The following ZNF790 variants were observed in gnomAD, a reference collection of about 807,000 sequenced individuals.
ZNF790 encodes zinc finger protein 790.
Under a neutral mutation model 12.1 loss-of-function variants are expected in ZNF790, and 8 were observed. The ratio of observed to expected loss-of-function variants is 0.66; its 90% CI spans 0.39 to 1.19. The LOEUF (loss-of-function observed/expected upper bound fraction) is 1.19. Ranked by LOEUF, ZNF790 falls within the 50% of genes most tolerant of loss-of-function variation. ZNF790 has a pLI of 0.01. For missense variants in ZNF790, 707 were observed against 752.2 expected, an observed-to-expected ratio of 0.94 and a Z score of 0.70; for synonymous variants, 252 against 244.3, an observed-to-expected ratio of 1.03 and a Z score of -0.29.
At position 36,819,176 on chromosome 19, in the gene ZNF790, C is replaced by T. The variant is rs781590063; in HGVS notation, c.1168G>A (p.Gly390Ser). The change falls in exon 5 of 5, where the codon GGT (glycine) becomes AGT (serine). Residue 390 changes from glycine (G) to serine (S), a missense_variant. Coordinates refer to ENST00000356725, the MANE Select transcript of ZNF790 (RefSeq NM_206894.4). ...NLAQHQNVHV[G>S]RKPYKCEKCG... ...TTCTCACATTTATAAGGTTTCCTAC[C>T]AACATGAACATTCTGATGTTGAGCA... 2 of 1,613,956 alleles carry T rather than the reference C, an allele frequency of 1.2e-6. No individual in the cohort carries two copies. Among genetic ancestry groups the T allele is most frequent in the Admixed American group, 3.3e-5 (2 of 60,002 alleles).
intron 1 of ZNF790, among the ~76,000 whole-genome samples, chr19:36,846,953 T>C (rs1481985316): frequency 6.6e-6 from 1 of 152,156 alleles, no homozygotes; most frequent in East Asian, 1.9e-4. Flanking sequence ...CTCTCTGATA[T>C]TGTGATGTAA....
intron 1 of ZNF790, among the ~76,000 whole-genome samples, chr19:36,834,123 A>C (rs1050057273): frequency 9.9e-5 from 15 of 152,008 alleles, no homozygotes; most frequent in African/African-American, 3.6e-4. Flanking sequence ...CATGCCTGTA[A>C]TCCCAGCTAC....
chr19:36,829,809 C>A (rs182735761), intron 1 of ZNF790, among the ~76,000 whole-genome samples: 1 of 152,098 alleles, frequency 6.6e-6, no homozygotes, highest in Non-Finnish European at 1.5e-5. Context: ...TCAGGTGATC[C>A]GCCCGCCTCG....
upstream of ZNF790, among the ~76,000 whole-genome samples, chr19:36,842,336 G>C (rs928491358): frequency 6.6e-6 from 1 of 151,982 alleles, no homozygotes; most frequent in African/African-American, 2.4e-5. Flanking sequence ...TAAAAAGATA[G>C]ATACCAGGAA....
At chr19:36,838,398 CAG>C (rs1269220780), upstream of ZNF790, 1 of 152,308 alleles carries the variant, frequency 6.6e-6, no homozygotes, top group Non-Finnish European at 1.5e-5. This position sits in a 1 kb window ranked among gnomAD's most constrained non-coding sequence, Gnocchi z 4.4. Context: ...CCTAAAGGGA[CAG>C]AGGGCTGACA....
chr19:36,819,546 A>T lies in ZNF790; in HGVS notation c.798T>A (p.His266Gln). The change falls in exon 5 of 5, where the codon CAT (histidine) becomes CAA (glutamine). Residue 266 changes from histidine to glutamine, a missense_variant. By Grantham distance (24) the His-to-Gln change is conservative. Transcript: ENST00000356725. The stretch of plus-strand genomic sequence containing the variant: ...TTCGCTTATGGACACTAAGTTGTGA[A>T]TGAAATCTAAAGGCTTTCCCACAAT... ...CKDCGKAFRF[H>Q]SQLSVHKRIH... The T allele has an allele frequency of 1.2e-6, 2 of 1,612,858 alleles. No individual in the cohort carries two copies. The highest frequency in any genetic ancestry group is 1.7e-6 in the Non-Finnish European group (2 of 1,179,306).
Position 36,845,138 on chromosome 19 carries a change from C to T in ZNF790, c.-74+4864G>A, listed in dbSNP as rs1262966303. 3.3e-5 allele frequency among the ~76,000 whole-genome samples: 5 copies of T among 150,720 alleles called. No homozygotes were observed. The East Asian group carries it at 9.8e-4, about 29-fold the overall frequency. On this transcript the variant is annotated intron_variant, in intron 1 of 4. Coordinates refer to the ZNF790 transcript ENST00000528994. ...CAGATGAAACAGAAAGAAATTTAGG[C>T]CAGGCACAGTGGCTAATACTAGTAA...
intron 1 of ZNF790, among the ~76,000 whole-genome samples, chr19:36,844,850 C>G (rs1044952047): frequency 6.6e-6 from 1 of 150,922 alleles, no homozygotes; most frequent in Admixed American, 6.6e-5. Context: ...AGATCGAGAC[C>G]ATCCCGGCTA....
Position 36,818,928 on chromosome 19 carries a change from A to G in ZNF790, c.1416T>C (p.His472=), listed in dbSNP as rs1214922852. ...GSEFNRHQKI[H]TGERNYECKE... is the part of the protein sequence containing the mutation. ...TACATTCATAGTTTCTCTCACCAGT[A>G]TGAATTTTCTGATGTCGATTAAACT... Residue 472 remains histidine (H), a synonymous_variant, in exon 5 of 5, where the codon CAT becomes CAC. Coordinates refer to ENST00000356725, the MANE Select transcript of ZNF790 (RefSeq NM_206894.4). 6 of 1,610,446 alleles carry G rather than the reference A, an allele frequency of 3.7e-6. No homozygotes were observed. Among genetic ancestry groups the G allele is most frequent in the South Asian group, 3.3e-5 (3 of 91,002 alleles).
rs780761322 is a variant in ZNF790 at position 36,819,276 on chromosome 19, A to T, written c.1068T>A (p.His356Gln). ...ATTTCTCACCAGTATGAATTCTCTGATGCTGAGTTAGGTGTGATCCACGAG... is the reference window on the plus strand; with the variant it reads ...ATTTCTCACCAGTATGAATTCTCTGTTGCTGAGTTAGGTGTGATCCACGAG... The part of the protein sequence containing the change: ...AFTRGSHLTQ[H>Q]QRIHTGEKSH... The change falls in exon 5 of 5, where the codon CAT becomes CAA. Residue 356 changes from histidine (H) to glutamine (Q), a missense_variant. Transcript: ENST00000356725. 1 of 1,612,954 alleles carries T rather than the reference A, an allele frequency of 6.2e-7. No individual in the cohort carries two copies. Among genetic ancestry groups the T allele is most frequent in the East Asian group, 2.2e-5 (1 of 44,868 alleles).
At chr19:36,832,788 AGAGAATAGAAAATAGACTAGCTCAT>A (rs1172022513) in intron 1 of ZNF790, among the ~76,000 whole-genome samples, 1 of 152,206 alleles carries the variant, frequency 6.6e-6, no homozygotes, top group Admixed American at 6.5e-5. Context: ...AATGAAGGTT[AGAGAATAGAAAATAGACTAGCTCAT>A]TGATTGCCTC....
Position 36,822,281 on chromosome 19 carries a change from A to AT in ZNF790, c.229+1003dup, listed in dbSNP as rs1183060813. ...AAAATAAAAAAATGAGGTTAAAAAA[A>AT]TTTTTTTAACTGAATGAAGAATTTT... On this transcript the variant is annotated intron_variant, in intron 4 of 4. Coordinates refer to ENST00000356725, the MANE Select transcript of ZNF790 (RefSeq NM_206894.4). 1.3e-5 allele frequency among the ~76,000 whole-genome samples: 2 copies of AT among 152,256 alleles called. 1 individual carries two copies. The highest frequency in any genetic ancestry group is 4.1e-4 in the South Asian group (2 of 4,826).
At chr19:36,827,052 T>C (rs980522199) in intron 1 of ZNF790, among the ~76,000 whole-genome samples, 13 of 144,454 alleles carry the variant, frequency 9.0e-5, no homozygotes, top group Middle Eastern at 3.2e-3. Flanking sequence ...TGTACATACA[T>C]AGATATATAT....
At chr19:36,827,117 T>TAC (rs760453936) in intron 1 of ZNF790, among the ~76,000 whole-genome samples, 1,199 of 60,844 alleles carry the variant, frequency 0.02, 29 homozygotes, top group Middle Eastern at 0.022. Context: ...TATATACACA[T>TAC]ACACACACAC....
Position 36,818,978 on chromosome 19 carries a change from CACATTCCTTACATTCAT to C in ZNF790, c.1349_1365del (p.Tyr450TrpfsTer11). The C allele has an allele frequency of 6.2e-7, 1 of 1,613,560 alleles. No homozygotes were observed. Among genetic ancestry groups the C allele is most frequent in the Non-Finnish European group, 8.5e-7 (1 of 1,179,814 alleles). On this transcript the variant is annotated frameshift_variant, in exon 5 of 5. Transcript: ENST00000356725. LOFTEE classifies it low-confidence loss of function (END_TRUNC). Reference sequence around the variant, plus strand: ...TCTGAGCCATGAAGAAAGGTCTTTCCACATTCCTTACATTCATAGGATTTCCTCTCATTGTGAATTTT... The same window carrying C: ...TCTGAGCCATGAAGAAAGGTCTTTCCAGGATTTCCTCTCATTGTGAATTTT...
intron 1 of ZNF790, among the ~76,000 whole-genome samples, chr19:36,844,101 T>C (rs2072154897): frequency 6.6e-6 from 1 of 151,332 alleles, no homozygotes; most frequent in African/African-American, 2.4e-5. Context: ...GTGGATTGCT[T>C]GAGCCCAGGA....
chr19:36,845,013 A>C (rs1173123194), intron 1 of ZNF790, among the ~76,000 whole-genome samples: 207 of 122,956 alleles, frequency 1.7e-3, no homozygotes, highest in African/African-American at 6.1e-3. Context: ...CCGCCACTGC[A>C]CTCCAGCCTG....
chr19:36,837,234 A>T (rs1366148630), intron 1 of ZNF790, among the ~76,000 whole-genome samples: 1 of 152,216 alleles, frequency 6.6e-6, no homozygotes, highest in Non-Finnish European at 1.5e-5. Context: ...GTATGCCTTC[A>T]TAATGGAATT....
At chr19:36,835,932 G>A (rs903581755) in intron 1 of ZNF790, among the ~76,000 whole-genome samples, 1 of 151,694 alleles carries the variant, frequency 6.6e-6, no homozygotes, top group Non-Finnish European at 1.5e-5. Flanking sequence ...CAAGATAATC[G>A]CCCCCATTTC....
Sources: allele counts gnomAD v4.1 joint callset (sites outside exome capture counted in the v4.1 genomes callset), GRCh38; gene constraint gnomAD v4.1.1; non-coding constraint Gnocchi (gnomAD v3.1); transcripts MANE v1.5; gene names NCBI Gene and HGNC (gene_info 2026-07-23, HGNC 2026-07-21).